The following ZNF892 variants were observed in gnomAD, a reference collection of about 807,000 sequenced individuals.
ZNF892 encodes zinc finger protein 892, also known as zinc finger protein 570-like.
chr2:95,235,694 A>G, the ZNF892 span, among the ~76,000 whole-genome samples: 1 of 152,282 alleles, frequency 6.6e-6, no homozygotes, highest in African/African-American at 2.4e-5. Context: ...AGACAACAGC[A>G]GGCATGAAGT....
At chr2:95,215,027 A>G in the ZNF892 span, 1 of 513,382 alleles carries the variant, frequency 1.9e-6, no homozygotes. Flanking sequence ...CTGGAGAGAA[A>G]CCTTATGAGT....
At chr2:95,233,295 G>C in the ZNF892 span, among the ~76,000 whole-genome samples, 1 of 151,480 alleles carries the variant, frequency 6.6e-6, no homozygotes, top group South Asian at 2.1e-4. Flanking sequence ...GAACTCCGGG[G>C]CTCAAGCAAT....
At chr2:95,237,385 C>T in the ZNF892 span, among the ~76,000 whole-genome samples, 1 of 152,062 alleles carries the variant, frequency 6.6e-6, no homozygotes, top group South Asian at 2.1e-4. Context: ...AATCAGTGAT[C>T]TTTAATGCTA....
the ZNF892 span, chr2:95,214,788 A>G: frequency 2.2e-6 from 1 of 461,088 alleles, no homozygotes; most frequent in Non-Finnish European, 4.0e-6. Context: ...CTATGAATGT[A>G]ACGAATGTGG....
chr2:95,218,611 T>C, the ZNF892 span, among the ~76,000 whole-genome samples: 3 of 152,246 alleles, frequency 2.0e-5, no homozygotes, highest in Admixed American at 2.0e-4. Context: ...GAGGTATTTG[T>C]TACAGCAGCA....
At chr2:95,214,265 T>C in the ZNF892 span, 11 of 397,576 alleles carry the variant, frequency 2.8e-5, no homozygotes, top group Non-Finnish European at 4.0e-5. Context: ...GTTTCATTAA[T>C]TTCCTACCAC....
chr2:95,247,251 A>G, the ZNF892 span, among the ~76,000 whole-genome samples: 13 of 152,222 alleles, frequency 8.5e-5, no homozygotes, highest in African/African-American at 3.1e-4. Flanking sequence ...AAAATAAGCA[A>G]TGGGGAAAGG....
At chr2:95,224,272 T>G in the ZNF892 span, among the ~76,000 whole-genome samples, 1 of 152,274 alleles carries the variant, frequency 6.6e-6, no homozygotes, top group Non-Finnish European at 1.5e-5. Context: ...TTTGTAGATT[T>G]GCCTGTTCTG....
At chr2:95,222,389 T>G in the ZNF892 span, among the ~76,000 whole-genome samples, 1 of 152,222 alleles carries the variant, frequency 6.6e-6, no homozygotes, top group African/African-American at 2.4e-5. Context: ...GAGTGTATGT[T>G]TACCTTTGTA....
chr2:95,247,346 C>G, the ZNF892 span, among the ~76,000 whole-genome samples: 3 of 152,100 alleles, frequency 2.0e-5, no homozygotes, highest in Admixed American at 6.6e-5. Context: ...TCACTATATA[C>G]AAATATTAAC....
chr2:95,252,567 G>A, the ZNF892 span, among the ~76,000 whole-genome samples: 12 of 152,282 alleles, frequency 7.9e-5, no homozygotes, highest in South Asian at 4.1e-4. Flanking sequence ...TTTCTTTATA[G>A]CAGCATGATT....
the ZNF892 span, among the ~76,000 whole-genome samples, chr2:95,229,229 A>G: frequency 6.6e-6 from 1 of 152,100 alleles, no homozygotes; most frequent in African/African-American, 2.4e-5. Context: ...CCTGTCTCAG[A>G]TTTTCCAGGT....
At chr2:95,256,775 T>C in the ZNF892 span, among the ~76,000 whole-genome samples, 19 of 152,208 alleles carry the variant, frequency 1.2e-4, no homozygotes, top group African/African-American at 4.3e-4. Flanking sequence ...TCATTTCTTT[T>C]TATTATTTTT....
chr2:95,208,662 G>A, the ZNF892 span: 4 of 398,446 alleles, frequency 1.0e-5, no homozygotes, highest in African/African-American at 8.2e-5. Context: ...ACTTTTTGAG[G>A]ACTCAGACCT....
chr2:95,226,608 G>T, the ZNF892 span, among the ~76,000 whole-genome samples: 1 of 152,160 alleles, frequency 6.6e-6, no homozygotes, highest in Admixed American at 6.5e-5. Context: ...CTCTGAAGAA[G>T]AATTAAATAA....
At chr2:95,213,403 G>T in the ZNF892 span, among the ~76,000 whole-genome samples, 1 of 152,108 alleles carries the variant, frequency 6.6e-6, no homozygotes, top group Non-Finnish European at 1.5e-5. Context: ...GATTGGAATG[G>T]GTGTTAAAGA....
the ZNF892 span, among the ~76,000 whole-genome samples, chr2:95,231,111 T>C: frequency 3.3e-5 from 5 of 152,216 alleles, no homozygotes; most frequent in Non-Finnish European, 5.9e-5. Flanking sequence ...TGAACACATA[T>C]GTTCACAAAA....
chr2:95,212,399 CT>C, the ZNF892 span: 2 of 396,572 alleles, frequency 5.0e-6, no homozygotes, highest in African/African-American at 4.1e-5. Context: ...TGTCTCACCC[CT>C]ATGCCACATC....
chr2:95,244,410 A>T, the ZNF892 span, among the ~76,000 whole-genome samples: 1 of 152,218 alleles, frequency 6.6e-6, no homozygotes. Flanking sequence ...CTAGTTGCTG[A>T]CAAAACAGAC....
Sources: gnomAD v4.1 joint callset for allele counts (sites outside exome capture counted in the v4.1 genomes callset) on GRCh38, gnomAD v4.1.1 for gene constraint, MANE v1.5 for transcripts, NCBI Gene and HGNC (gene_info 2026-07-23, HGNC 2026-07-21) for gene names.